The following GLI2 variants were observed in gnomAD, a reference collection of about 807,000 sequenced individuals.
The protein encoded by GLI2 is GLI family zinc finger 2.
GLI2 carries 22 observed loss-of-function variants against 78.9 expected under a neutral mutation model. The ratio of observed to expected loss-of-function variants is 0.28; its 90% CI spans 0.20 to 0.40. The LOEUF is 0.40. GLI2 is among the 10% of genes least tolerant of loss of function. The probability of loss-of-function intolerance (pLI) is 1.00; values close to 1 mark genes in which losing one functional copy is unlikely to be tolerated. For synonymous variants in GLI2, 974 were observed against 963.7 expected (o/e 1.01, Z -0.20); for missense variants, 2,097 against 2,213.2 (o/e 0.95, Z 1.05).
At chr2:120,908,204 C>T (rs1167050865) in intron 2 of GLI2, among the ~76,000 whole-genome samples, 1 of 152,146 alleles carries the variant, frequency 6.6e-6, no homozygotes, top group Non-Finnish European at 1.5e-5. Flanking sequence ...CCCTTCATGC[C>T]CTGGTTTGGT....
At chr2:120,833,610 C>T (rs1360231263) in intron 2 of GLI2, among the ~76,000 whole-genome samples, 1 of 152,140 alleles carries the variant, frequency 6.6e-6, no homozygotes, top group Non-Finnish European at 1.5e-5. Flanking sequence ...TGTGCAGCTA[C>T]CCACAGAGAT....
intron 2 of GLI2, among the ~76,000 whole-genome samples, chr2:120,917,886 C>T (rs1358912208): frequency 4.6e-5 from 7 of 152,248 alleles, no homozygotes; most frequent in Admixed American, 1.3e-4. Context: ...TGGACACAGA[C>T]ACTAGGGAAA....
At position 120,955,124 on chromosome 2, in the gene GLI2, C is replaced by A. The variant is rs555584156; in HGVS notation, c.458-121C>A. The A allele has an allele frequency of 2.5e-3, 1,817 of 721,902 alleles. 7 individuals carry two copies. The highest frequency in any genetic ancestry group is 3.6e-3 in the Non-Finnish European group (1,479 of 412,106). The allele number at this position is 721,902 out of a possible 1,614,324, so 44.7% of individuals were successfully genotyped here. A position where few individuals can be genotyped will look rare whatever the true frequency, so the allele number is the denominator to read the frequency against. Reference sequence around the variant, plus strand: ...GGGGGAAAATGCCGAGGAGAGAAACCCCGACACCAGGTGTGCATTTCTCTC... The same window carrying A: ...GGGGGAAAATGCCGAGGAGAGAAACACCGACACCAGGTGTGCATTTCTCTC... On this transcript the variant is annotated intron_variant, in intron 4 of 13. Coordinates refer to ENST00000361492, the MANE Select transcript of GLI2 (RefSeq NM_001374353.1).
intron 2 of GLI2, among the ~76,000 whole-genome samples, chr2:120,919,617 C>G (rs1206670796): frequency 6.6e-6 from 1 of 152,266 alleles, no homozygotes; most frequent in Admixed American, 6.5e-5. Flanking sequence ...AAAGGAGTCT[C>G]TCTCCACGTG....
rs530449001 is a variant in GLI2 at position 120,978,770 on chromosome 2, C to T, written c.1467+187C>T. On this transcript the variant is annotated intron_variant, in intron 10 of 13. Coordinates refer to ENST00000361492, the MANE Select transcript of GLI2 (RefSeq NM_001374353.1). ...GTCCTGGAGGCCCCTCGCCTCGTGC[C>T]GTCCCAGACCTTGATGGACTTGCTC... Among the ~76,000 whole-genome samples the T allele has an allele frequency of 9.2e-4, 140 of 152,264 alleles. No individual in the cohort carries two copies. The Middle Eastern group carries it at 0.01, about 11-fold the overall frequency.
intron 1 of GLI2, among the ~76,000 whole-genome samples, chr2:120,760,251 G>A (rs779265651): frequency 5.9e-5 from 9 of 152,146 alleles, no homozygotes; most frequent in Non-Finnish European, 1.2e-4. Flanking sequence ...ACAACTTCTC[G>A]GAGGCTCTCC....
intron 2 of GLI2, among the ~76,000 whole-genome samples, chr2:120,877,036 G>T (rs1365752598): frequency 1.1e-4 from 16 of 152,224 alleles, no homozygotes; most frequent in Admixed American, 1.0e-3. Context: ...GCCTGAGAAG[G>T]CCTGGGAGGA....
rs13412070 is a variant in GLI2, at chr2:120,834,905, G to A, written c.148+37437G>A. Among the ~76,000 whole-genome samples the A allele has an allele frequency of 5.9e-3, 892 of 152,130 alleles. 8 individuals are homozygous for A. The highest frequency in any genetic ancestry group is 0.02 in the African/African-American group (826 of 41,538). On this transcript the variant is annotated intron_variant, in intron 2 of 13. Coordinates refer to ENST00000361492, the MANE Select transcript of GLI2 (RefSeq NM_001374353.1). The stretch of plus-strand genomic sequence containing the variant: ...GCACTCCTCATGTGGCATTTCAGGG[G>A]CTCTGCACCCCATGTTCTCTGGGCT...
chr2:120,942,345 C>T (rs1301565958), intron 3 of GLI2, among the ~76,000 whole-genome samples: 1 of 152,186 alleles, frequency 6.6e-6, no homozygotes, highest in Non-Finnish European at 1.5e-5. Flanking sequence ...CTGTCCTTGC[C>T]TTTCCCAGCT....
chr2:120,868,184 T>A (rs1458047943), intron 2 of GLI2, among the ~76,000 whole-genome samples: 1 of 152,200 alleles, frequency 6.6e-6, no homozygotes, highest in Non-Finnish European at 1.5e-5. Context: ...CAAGGAGGAC[T>A]CCAGACAAGA....
At chr2:120,948,378 C>T (rs1023026859) in intron 3 of GLI2, among the ~76,000 whole-genome samples, 1 of 152,152 alleles carries the variant, frequency 6.6e-6, no homozygotes, top group African/African-American at 2.4e-5. Context: ...GAAAAGGCTG[C>T]CCTGGGCTAC....
chr2:120,790,690 G>A (rs1049866740), intron 1 of GLI2, among the ~76,000 whole-genome samples: 2 of 152,208 alleles, frequency 1.3e-5, no homozygotes, highest in African/African-American at 4.8e-5. Context: ...GGAGCTCCTT[G>A]TTGGTGCTGC....
intron 1 of GLI2, among the ~76,000 whole-genome samples, chr2:120,791,289 G>A (rs1486210141): frequency 6.6e-6 from 1 of 152,182 alleles, no homozygotes; most frequent in Non-Finnish European, 1.5e-5. Context: ...CTGACCTGAG[G>A]AGTCAGAGCC....
chr2:120,965,628 G>A (rs1480435043), intron 5 of GLI2, among the ~76,000 whole-genome samples: 1 of 136,266 alleles, frequency 7.3e-6, no homozygotes, highest in African/African-American at 2.8e-5. Flanking sequence ...CACTCCAGCC[G>A]GGATGCAGAT....
chr2:120,809,236 C>T (rs1485051675), intron 2 of GLI2, among the ~76,000 whole-genome samples: 1 of 152,158 alleles, frequency 6.6e-6, no homozygotes, highest in Non-Finnish European at 1.5e-5. Flanking sequence ...ACCTCGCAAA[C>T]ATATGCTAAG....
chr2:120,968,664 C>A, intron 5 of GLI2, 50 bp from the exon 6 acceptor site: 1 of 1,332,450 alleles, frequency 7.5e-7, no homozygotes, highest in Non-Finnish European at 1.1e-6. Context: ...ATGTCACCCC[C>A]TCCCCCATCC....
chr2:120,819,452 C>T (rs1372119957), intron 2 of GLI2, among the ~76,000 whole-genome samples: 2 of 152,036 alleles, frequency 1.3e-5, no homozygotes, highest in Non-Finnish European at 2.9e-5. Context: ...GTTGACCAGG[C>T]TGGTCTCGAA....
chr2:120,920,535 C>T (rs1259056102), intron 2 of GLI2, among the ~76,000 whole-genome samples: 3 of 152,224 alleles, frequency 2.0e-5, no homozygotes, highest in Non-Finnish European at 4.4e-5. Context: ...AAGACCATTA[C>T]ACCCAGTACA....
At chr2:120,821,683 A>G (rs1037556959) in intron 2 of GLI2, among the ~76,000 whole-genome samples, 1 of 152,192 alleles carries the variant, frequency 6.6e-6, no homozygotes, top group Non-Finnish European at 1.5e-5. Context: ...GCCTGTGCAT[A>G]GACTTGGGGA....
Sources: gnomAD v4.1 joint callset for allele counts (sites outside exome capture counted in the v4.1 genomes callset) on GRCh38, gnomAD v4.1.1 for gene constraint, MANE v1.5 for transcripts, NCBI Gene and HGNC (gene_info 2026-07-23, HGNC 2026-07-21) for gene names.